Variants in EPB41L4A observed in about 807,000 individuals in gnomAD.
The protein encoded by EPB41L4A is erythrocyte membrane protein band 4.1 like 4A, also known as band 4.1-like protein 4A.
A neutral mutation model predicts 108.6 loss-of-function variants in EPB41L4A; 100 were observed. That is an observed-to-expected ratio of 0.92 (90% CI 0.78 to 1.09). The LOEUF (loss-of-function observed/expected upper bound fraction) is 1.09, where lower values mean the gene tolerates loss of function less well. Among genes scored for constraint, EPB41L4A ranks in the 50% least tolerant of loss-of-function variants. EPB41L4A has a pLI of 0.00. For missense variants in EPB41L4A, 1,030 were observed against 842.7 expected, an observed-to-expected ratio of 1.22 and a Z score of -2.75; for synonymous variants, 319 against 289.0, an observed-to-expected ratio of 1.10 and a Z score of -1.05.
At chr5:112,204,332 C>T in intron 15 of EPB41L4A, 43 bp downstream of exon 15, 3 of 1,351,802 alleles carry the variant, frequency 2.2e-6, no homozygotes, top group Non-Finnish European at 3.2e-6. Flanking sequence ...GGACAAAATG[C>T]TTCTGTTGAA....
chr5:112,289,607 GGATGTTTTCCCTTGC>G (rs1753518330), intron 2 of EPB41L4A, among the ~76,000 whole-genome samples: 1 of 152,178 alleles, frequency 6.6e-6, no homozygotes, highest in Non-Finnish European at 1.5e-5. Context: ...TTTGCCCTCT[GGATGTTTTCCCTTGC>G]GAGGAAGCCA....
Position 112,204,906 on chromosome 5 carries a change from T to A in EPB41L4A, c.1263-418A>T, listed in dbSNP as rs140837038. Among the ~76,000 whole-genome samples the A allele has an allele frequency of 1.0e-3, 153 of 152,286 alleles. 1 individual carries two copies. The Middle Eastern group carries it at 0.01, about 10-fold the overall frequency. On this transcript the variant is annotated intron_variant, in intron 14 of 22. Transcript: ENST00000261486. ...ACAGAAAAAAAATTGAAATATAGAC[T>A]ACTTAATTAAGTGGCCCAAATAAAG...
At chr5:112,326,261 C>A (rs76165800) in intron 1 of EPB41L4A, among the ~76,000 whole-genome samples, 1 of 151,900 alleles carries the variant, frequency 6.6e-6, no homozygotes, top group African/African-American at 2.4e-5. Flanking sequence ...AGGGTCGGTG[C>A]CCCCAATCCA....
chr5:112,184,131 G>GT lies in EPB41L4A; in HGVS notation c.1506dup (p.Arg503ThrfsTer5). 3 of 1,613,676 alleles carry GT rather than the reference G, an allele frequency of 1.9e-6. No individual in the cohort carries two copies. The highest frequency in any genetic ancestry group is 2.5e-6 in the Non-Finnish European group (3 of 1,179,774). ...GAATCAACCATATCATTCTCCTGCC[G>GT]TATTCTGAAAGGAAAGCCATGCATC... is the stretch of plus-strand genomic sequence containing the variant. On this transcript the variant is annotated frameshift_variant, in exon 18 of 23. Coordinates refer to ENST00000261486, the MANE Select transcript of EPB41L4A (RefSeq NM_022140.5). LOFTEE classifies it high-confidence loss of function.
At chr5:112,351,096 G>A (rs909313952) in intron 1 of EPB41L4A, among the ~76,000 whole-genome samples, 10 of 152,118 alleles carry the variant, frequency 6.6e-5, no homozygotes, top group East Asian at 1.9e-4. Flanking sequence ...AAGAACAAAC[G>A]AAACCCAAAA....
downstream of EPB41L4A, among the ~76,000 whole-genome samples, chr5:112,159,684 T>C (rs7713216): frequency 0.3 from 45,588 of 152,008 alleles, 8,462 homozygotes; most frequent in African/African-American, 0.53. Context: ...CGGAGTTCAC[T>C]TCCAGTCTTC....
chr5:112,194,421 T>C (rs917300617), intron 17 of EPB41L4A, 147 bp downstream of exon 17: 7 of 521,832 alleles, frequency 1.3e-5, no homozygotes, highest in Admixed American at 3.8e-5. Context: ...AGAGCTAAAG[T>C]TTCCTAAACT....
chr5:112,367,338 A>T (rs1759182773), intron 1 of EPB41L4A, among the ~76,000 whole-genome samples: 1 of 152,188 alleles, frequency 6.6e-6, no homozygotes, highest in Admixed American at 6.5e-5. Flanking sequence ...TCTTCAAATA[A>T]GTTATCTTAA....
At chr5:112,383,652 G>C (rs1261999512) in intron 1 of EPB41L4A, among the ~76,000 whole-genome samples, 2 of 152,128 alleles carry the variant, frequency 1.3e-5, no homozygotes, top group Non-Finnish European at 2.9e-5. Context: ...ATCAGGATGG[G>C]TGCTGGCCAA....
chr5:112,195,796 A>G, intron 15 of EPB41L4A, 88 bp from the exon 16 acceptor site: 2 of 1,167,894 alleles, frequency 1.7e-6, no homozygotes, highest in South Asian at 2.6e-5. Context: ...ACTTCAGTTA[A>G]CACATATTTG....
At chr5:112,366,748 T>C (rs1259786163) in intron 1 of EPB41L4A, among the ~76,000 whole-genome samples, 1 of 152,036 alleles carries the variant, frequency 6.6e-6, no homozygotes, top group East Asian at 1.9e-4. Context: ...GGATGGACAA[T>C]ACAACCAGGG....
At chr5:112,364,183 T>G (rs1271814420) in intron 1 of EPB41L4A, among the ~76,000 whole-genome samples, 1 of 152,190 alleles carries the variant, frequency 6.6e-6, no homozygotes, top group Non-Finnish European at 1.5e-5. Context: ...CCCGCCATCA[T>G]GCCAGGCAAT....
chr5:112,199,088 G>A (rs551037689), intron 15 of EPB41L4A, among the ~76,000 whole-genome samples: 1 of 152,214 alleles, frequency 6.6e-6, no homozygotes, highest in East Asian at 1.9e-4. Flanking sequence ...GTAATATGAG[G>A]GCAGCCTCAA....
At chr5:112,226,981 G>GAA (rs35333803) in intron 12 of EPB41L4A, among the ~76,000 whole-genome samples, 241 of 139,476 alleles carry the variant, frequency 1.7e-3, no homozygotes, top group Middle Eastern at 3.8e-3. Context: ...TTACCACAAT[G>GAA]AAAAAAAAAA....
chr5:112,410,363 A>G (rs1267268951), intron 1 of EPB41L4A, among the ~76,000 whole-genome samples: 1 of 152,214 alleles, frequency 6.6e-6, no homozygotes, highest in Non-Finnish European at 1.5e-5. Flanking sequence ...GAGGCAAGAA[A>G]GAGCACTCTA....
chr5:112,409,172 T>C (rs1319151888), intron 1 of EPB41L4A, among the ~76,000 whole-genome samples: 4 of 152,340 alleles, frequency 2.6e-5, no homozygotes, highest in East Asian at 3.9e-4. Flanking sequence ...AGTACTGATA[T>C]GTGCTACATT....
At chr5:112,397,778 T>C (rs565754608) in intron 1 of EPB41L4A, among the ~76,000 whole-genome samples, 2 of 152,316 alleles carry the variant, frequency 1.3e-5, no homozygotes, top group South Asian at 2.1e-4. Flanking sequence ...TGATTATTAT[T>C]CCCCATTTTT....
intron 12 of EPB41L4A, chr5:112,146,030 G>A (rs1251387527): frequency 2.2e-6 from 1 of 455,358 alleles, no homozygotes; most frequent in Admixed American, 2.4e-5. Flanking sequence ...TGTGACAAGT[G>A]TCAAACCCAA....
At chr5:112,220,632 C>T (rs1233607981) in intron 12 of EPB41L4A, among the ~76,000 whole-genome samples, 2 of 152,130 alleles carry the variant, frequency 1.3e-5, no homozygotes, top group Admixed American at 1.3e-4. Context: ...TGTTGCCCTC[C>T]CCACCTGACT....
Sources: gnomAD v4.1 joint callset for allele counts (sites outside exome capture counted in the v4.1 genomes callset) on GRCh38, gnomAD v4.1.1 for gene constraint, MANE v1.5 for transcripts, NCBI Gene and HGNC (gene_info 2026-07-23, HGNC 2026-07-21) for gene names.